NAALADL2: variants seen among roughly 807,000 people sequenced by gnomAD.
NAALADL2 encodes N-acetylated alpha-linked acidic dipeptidase like 2.
In NAALADL2, 76 loss-of-function variants were observed where a neutral mutation model predicts 87.2. The ratio of observed to expected loss-of-function variants is 0.87; its 90% CI spans 0.72 to 1.05. The LOEUF is 1.05. Ranked by LOEUF, NAALADL2 falls within the 50% of genes least tolerant of loss-of-function variation. The probability of loss-of-function intolerance (pLI) is 0.00; values close to 1 mark genes in which losing one functional copy is unlikely to be tolerated. For missense variants in NAALADL2, 1,089 were observed against 945.8 expected (o/e 1.15, Z -1.99); for synonymous variants, 354 against 331.0 (o/e 1.07, Z -0.75).
At chr3:175,318,815 T>A (rs1180432871) in intron 4 of NAALADL2, among the ~76,000 whole-genome samples, 1 of 152,198 alleles carries the variant, frequency 6.6e-6, no homozygotes, top group Admixed American at 6.5e-5. Flanking sequence ...TCTCTAGCAA[T>A]CACTGATCTG....
intron 1 of NAALADL2, among the ~76,000 whole-genome samples, chr3:174,938,043 G>T (rs1737970343): frequency 6.6e-6 from 1 of 151,926 alleles, no homozygotes; most frequent in Non-Finnish European, 1.5e-5. Flanking sequence ...TTTATTCTAG[G>T]TTGGGGGGTA....
intron 2 of NAALADL2, among the ~76,000 whole-genome samples, chr3:175,200,153 A>G (rs1018563501): frequency 6.6e-6 from 1 of 151,720 alleles, no homozygotes; most frequent in Non-Finnish European, 1.5e-5. Flanking sequence ...ACTTTTGCTT[A>G]AGCTTTGCTT....
At chr3:175,205,745 A>T (rs193213178) in intron 2 of NAALADL2, among the ~76,000 whole-genome samples, 52 of 152,106 alleles carry the variant, frequency 3.4e-4, no homozygotes, top group African/African-American at 1.2e-3. Context: ...CAAAAAAATC[A>T]GTAAGAAAAC....
intron 1 of NAALADL2, among the ~76,000 whole-genome samples, chr3:175,046,496 A>T (rs1754687386): frequency 6.6e-6 from 1 of 152,156 alleles, no homozygotes; most frequent in Non-Finnish European, 1.5e-5. Flanking sequence ...TCTAAGCACA[A>T]GTGGCAGTCA....
intron 13 of NAALADL2, 76 bp downstream of exon 13, chr3:175,755,494 T>A: frequency 9.2e-7 from 1 of 1,086,508 alleles, no homozygotes; most frequent in South Asian, 1.8e-5. Flanking sequence ...AATACATACC[T>A]TCTATGAACA....
At chr3:174,589,059 C>T (rs1717055584) in intron 2 of NAALADL2, among the ~76,000 whole-genome samples, 1 of 152,186 alleles carries the variant, frequency 6.6e-6, no homozygotes, top group Admixed American at 6.5e-5. Context: ...TGTTTACCTA[C>T]TTAAGCCTCA....
chr3:174,666,900 T>A (rs1479888262), intron 2 of NAALADL2, among the ~76,000 whole-genome samples: 1 of 152,182 alleles, frequency 6.6e-6, no homozygotes, highest in Admixed American at 6.5e-5. Context: ...TTTGACTATA[T>A]TGGGCAGTTT....
chr3:174,816,489 A>T (rs2109314280), intron 3 of NAALADL2, among the ~76,000 whole-genome samples: 1 of 139,688 alleles, frequency 7.2e-6, no homozygotes, highest in South Asian at 2.1e-4. Flanking sequence ...ATACACGCAT[A>T]TATATACATT....
intron 10 of NAALADL2, among the ~76,000 whole-genome samples, chr3:175,577,976 G>C (rs897291041): frequency 2.0e-5 from 3 of 152,042 alleles, no homozygotes; most frequent in African/African-American, 7.2e-5. Context: ...GGAAATTAGA[G>C]CTTTTTTTAT....
At chr3:174,531,492 A>G (rs1489043287) in intron 1 of NAALADL2, among the ~76,000 whole-genome samples, 2 of 152,186 alleles carry the variant, frequency 1.3e-5, no homozygotes, top group African/African-American at 4.8e-5. Context: ...AAATTTGAAT[A>G]AACATTGTGG....
intron 11 of NAALADL2, among the ~76,000 whole-genome samples, chr3:175,729,984 G>A (rs909721978): frequency 1.3e-5 from 2 of 151,720 alleles, no homozygotes; most frequent in African/African-American, 4.8e-5. Flanking sequence ...CTTTAATCTG[G>A]GTATATAAAA....
rs181795762 is a variant in NAALADL2, at chr3:174,779,882, A to C, written c.-9+42136A>C. On this transcript the variant is annotated intron_variant, in intron 3 of 3. Coordinates refer to the NAALADL2 transcript ENST00000434257. ...GCTGTTTTGGTTACTGTAGCCTTGT[A>C]GTATAGTTTGAAGTCAGGTAGCTTG... Among the ~76,000 whole-genome samples the C allele has an allele frequency of 6.5e-3, 987 of 152,260 alleles. 8 individuals are homozygous for C. The highest frequency in any genetic ancestry group is 0.027 in the Middle Eastern group (8 of 294).
intron 3 of NAALADL2, among the ~76,000 whole-genome samples, chr3:174,811,956 G>A (rs922922550): frequency 1.3e-5 from 2 of 151,896 alleles, no homozygotes; most frequent in Non-Finnish European, 2.9e-5. Flanking sequence ...TAAGTTTGTG[G>A]CACCTCCCCC....
At chr3:175,591,707 T>G (rs1217158387) in intron 10 of NAALADL2, among the ~76,000 whole-genome samples, 1 of 151,264 alleles carries the variant, frequency 6.6e-6, no homozygotes, top group Non-Finnish European at 1.5e-5. Context: ...ACTGAGTGAC[T>G]CATTTAACAT....
At chr3:174,806,436 T>C (rs1719506400) in intron 3 of NAALADL2, among the ~76,000 whole-genome samples, 1 of 152,182 alleles carries the variant, frequency 6.6e-6, no homozygotes, top group African/African-American at 2.4e-5. Context: ...CCTAGGTGGT[T>C]CTCTGCTCTT....
intron 9 of NAALADL2, among the ~76,000 whole-genome samples, chr3:175,494,853 G>A (rs1312824112): frequency 6.6e-6 from 1 of 151,876 alleles, no homozygotes; most frequent in African/African-American, 2.4e-5. Context: ...CTTTTCCAGA[G>A]CAAGAGGCTT....
At chr3:175,418,663 A>G (rs1390744579) in intron 5 of NAALADL2, among the ~76,000 whole-genome samples, 2 of 152,138 alleles carry the variant, frequency 1.3e-5, no homozygotes, top group Non-Finnish European at 2.9e-5. Flanking sequence ...TAGTTACATA[A>G]TAGCCTAATT....
chr3:175,665,330 A>G (rs1394028440), intron 11 of NAALADL2, among the ~76,000 whole-genome samples: 1 of 152,226 alleles, frequency 6.6e-6, no homozygotes, highest in Non-Finnish European at 1.5e-5. Context: ...TTTTCAGGTT[A>G]TGGCTTCAGA....
intron 5 of NAALADL2, among the ~76,000 whole-genome samples, chr3:175,348,523 A>C (rs1055998741): frequency 6.6e-6 from 1 of 152,114 alleles, no homozygotes; most frequent in Admixed American, 6.6e-5. Context: ...AGGTGTTGGC[A>C]GGGCCATGTT....
Sources: allele counts gnomAD v4.1 joint callset (sites outside exome capture counted in the v4.1 genomes callset), GRCh38; gene constraint gnomAD v4.1.1; transcripts MANE v1.5; gene names NCBI Gene and HGNC (gene_info 2026-07-23, HGNC 2026-07-21).